Variants in TCF25 observed in about 807,000 individuals in gnomAD.
TCF25 encodes ribosome quality control complex subunit TCF25.
A neutral mutation model predicts 83.1 loss-of-function variants in TCF25; 41 were observed. That is an observed-to-expected ratio of 0.49 (90% CI 0.38 to 0.64). The LOEUF (loss-of-function observed/expected upper bound fraction) is 0.64, where lower values mean the gene tolerates loss of function less well. Among genes scored for constraint, TCF25 ranks in the 30% least tolerant of loss-of-function variants. The pLI is 0.00. For missense variants in TCF25, 979 were observed against 914.5 expected, an observed-to-expected ratio of 1.07 and a Z score of -0.91; for synonymous variants, 458 against 365.0, an observed-to-expected ratio of 1.25 and a Z score of -2.90.
At chr16:89,884,344 G>T (rs2042825414) in intron 2 of TCF25, among the ~76,000 whole-genome samples, 2 of 152,196 alleles carry the variant, frequency 1.3e-5, no homozygotes, top group South Asian at 4.1e-4. Context: ...TCAGGGTCCT[G>T]TGAGCCTGTG....
chr16:89,910,208 G>A (rs1439756268), intron 16 of TCF25: 2 of 253,444 alleles, frequency 7.9e-6, no homozygotes, highest in South Asian at 5.0e-5. Context: ...TCCGCTTAAC[G>A]CAGGCCCTGG....
intron 1 of TCF25, chr16:89,878,348 G>C (rs2042344470): frequency 2.0e-6 from 2 of 1,019,358 alleles, no homozygotes; most frequent in Admixed American, 3.9e-5. Context: ...CACTGTGGGA[G>C]GCCAAGGCGG....
At chr16:89,876,223 A>G (rs2042178190) in intron 1 of TCF25, among the ~76,000 whole-genome samples, 1 of 152,156 alleles carries the variant, frequency 6.6e-6, no homozygotes, top group South Asian at 2.1e-4. Flanking sequence ...AATTTTATCC[A>G]GTGGCACACA....
rs758161194 is a variant in TCF25 at position 89,900,680 on chromosome 16, C to T, written c.1267C>T (p.Pro423Ser). Residue 423 changes from proline to serine, a missense_variant, in exon 12 of 18, where the codon CCA (proline) becomes TCA (serine). Transcript: ENST00000263346. ...GCTCCCTAATTTTGCCTTCTCTGTT[C>T]CACTGGCGTATTTCCTGCTGAGCCA... ...SQLPNFAFSV[P>S]LAYFLLSQQT... The T allele has an allele frequency of 3.1e-6, 5 of 1,603,816 alleles. No individual in the cohort carries two copies. In the East Asian group the frequency reaches 6.7e-5, roughly 22 times the overall value.
At chr16:89,904,749 C>A in intron 13 of TCF25, 189 bp from the exon 14 acceptor site, 1 of 732,314 alleles carries the variant, frequency 1.4e-6, no homozygotes, top group Admixed American at 2.0e-5. Flanking sequence ...ACCTGCCCAA[C>A]AGGCTCACGG....
In TCF25 at chr16:89,911,141, T is replaced by A; in HGVS notation, c.1934T>A (p.Leu645Gln). 1 of 1,612,054 alleles carries A rather than the reference T, an allele frequency of 6.2e-7. No homozygotes were observed. Among genetic ancestry groups the A allele is most frequent in the Non-Finnish European group, 8.5e-7 (1 of 1,179,958 alleles). ...GLNRNQGLNR[L>Q]MLAVRDMMAN... The stretch of plus-strand genomic sequence containing the variant: ...AACCGCAACCAGGGCCTGAACAGGC[T>A]GATGCTGGCTGTGCGCGACATGATG... Residue 645 changes from leucine to glutamine, a missense_variant, in exon 18 of 18, where the codon CTG becomes CAG. Physicochemically the swap from Leu to Gln is moderately radical, Grantham distance 113 (BLOSUM62 -2). Coordinates refer to ENST00000263346, the MANE Select transcript of TCF25 (RefSeq NM_014972.3).
intron 12 of TCF25, among the ~76,000 whole-genome samples, chr16:89,901,552 T>C (rs1382331531): frequency 1.6e-5 from 2 of 128,952 alleles, no homozygotes; most frequent in Non-Finnish European, 3.4e-5. Context: ...GAGACCATCC[T>C]GACTAACACG....
intron 15 of TCF25, 85 bp downstream of exon 15, chr16:89,906,369 G>C: frequency 7.4e-7 from 1 of 1,352,364 alleles, no homozygotes. Context: ...ACATGCAGGC[G>C]TGCGTGGTGC....
At chr16:89,879,306 A>ACGGGCTCCTGG (rs2143943247) in intron 1 of TCF25, among the ~76,000 whole-genome samples, 2 of 78,558 alleles carry the variant, frequency 2.5e-5, no homozygotes, top group Admixed American at 1.5e-4. Context: ...CGGGCTTCAG[A>ACGGGCTCCTGG]GCCTGTCACA....
chr16:89,892,420 C>T (rs1214307565), intron 6 of TCF25, 145 bp downstream of exon 6: 6 of 915,616 alleles, frequency 6.6e-6, no homozygotes, highest in Non-Finnish European at 4.8e-6. Context: ...CACTGGCCTG[C>T]GCTGGGCACC....
intron 4 of TCF25, among the ~76,000 whole-genome samples, chr16:89,886,716 T>A (rs2043044447): frequency 6.6e-6 from 1 of 151,142 alleles, no homozygotes; most frequent in African/African-American, 2.4e-5. Context: ...GAGCTGAGAT[T>A]GTGCCACTGC....
chr16:89,876,428 T>A (rs978296559), intron 1 of TCF25, among the ~76,000 whole-genome samples: 2 of 152,340 alleles, frequency 1.3e-5, no homozygotes, highest in East Asian at 1.9e-4. Context: ...TTTCTCTTTT[T>A]AAAAAATTTT....
At chr16:89,876,359 A>G (rs975600715) in intron 1 of TCF25, among the ~76,000 whole-genome samples, 2 of 152,222 alleles carry the variant, frequency 1.3e-5, no homozygotes, top group South Asian at 4.1e-4. Context: ...GGGAGACAGT[A>G]AACAGCCAGT....
chr16:89,906,196 G>A lies in TCF25; in HGVS notation c.1631G>A (p.Arg544Gln), dbSNP rs137901241. 2.1e-3 allele frequency: 3,357 copies of A among 1,613,110 alleles called. 5 individuals carry two copies. Among genetic ancestry groups the A allele is most frequent in the Non-Finnish European group, 2.4e-3 (2,889 of 1,179,870 alleles). ...DPAVEACENRRKVLYQRAPRN... is the reference protein window; with the variant it reads ...DPAVEACENRQKVLYQRAPRN... ...GCCTTGTTTCTCCCCGGCCCTAGGC[G>A]GAAGGTGCTCTACCAGCGTGCACCC... Residue 544 changes from arginine to glutamine, a missense_variant and splice_region_variant, in exon 15 of 18, where the codon CGG becomes CAG. Coordinates refer to ENST00000263346, the MANE Select transcript of TCF25 (RefSeq NM_014972.3).
chr16:89,875,698 A>G (rs1441394374), intron 1 of TCF25, among the ~76,000 whole-genome samples: 2 of 144,542 alleles, frequency 1.4e-5, no homozygotes, highest in African/African-American at 2.6e-5. Flanking sequence ...AATTTTTTGT[A>G]TTTTTAGTAG....
At chr16:89,890,452 GC>G (rs915563486) in intron 5 of TCF25, 2 of 152,214 alleles carry the variant, frequency 1.3e-5, no homozygotes, top group Non-Finnish European at 2.9e-5. Flanking sequence ...TTGGAAACCT[GC>G]CGTCGTGTGT....
intron 6 of TCF25, among the ~76,000 whole-genome samples, 171 bp from the exon 7 acceptor site, chr16:89,893,557 G>T (rs1320624207): frequency 6.6e-6 from 1 of 151,678 alleles, no homozygotes; most frequent in South Asian, 2.1e-4. Flanking sequence ...CCAGACGGCG[G>T]GTGTTTTGGG....
intron 1 of TCF25, among the ~76,000 whole-genome samples, chr16:89,878,006 G>T (rs946500015): frequency 6.6e-6 from 1 of 152,144 alleles, no homozygotes. Flanking sequence ...GGCTAGGGTT[G>T]GTGGCTGACA....
chr16:89,891,980 C>G (rs2043467493), intron 5 of TCF25, among the ~76,000 whole-genome samples: 1 of 152,032 alleles, frequency 6.6e-6, no homozygotes, highest in Admixed American at 6.6e-5. Flanking sequence ...AGAATTGTTT[C>G]TTTCTCTCTA....
Sources: allele counts gnomAD v4.1 joint callset (sites outside exome capture counted in the v4.1 genomes callset), GRCh38; gene constraint gnomAD v4.1.1; transcripts MANE v1.5; gene names NCBI Gene and HGNC (gene_info 2026-07-23, HGNC 2026-07-21).